Variants in IQCM observed in about 807,000 individuals in gnomAD.
IQCM encodes the protein IQ domain-containing protein M.
IQCM carries 45 observed loss-of-function variants against 57.6 expected under a neutral mutation model. The observed-to-expected ratio is 0.78, with a 90% CI of 0.62 to 1.00. IQCM has a LOEUF of 1.00. Among genes scored for constraint, IQCM ranks in the 50% least tolerant of loss-of-function variants. The probability of loss-of-function intolerance (pLI) is 0.00; values close to 1 mark genes in which losing one functional copy is unlikely to be tolerated. For missense variants in IQCM, 468 were observed against 511.6 expected (o/e 0.91, Z 0.82); for synonymous variants, 148 against 158.9 (o/e 0.93, Z 0.51).
chr4:149,620,064 C>T (rs997543033), intron 8 of IQCM, among the ~76,000 whole-genome samples: 4 of 151,828 alleles, frequency 2.6e-5, no homozygotes, highest in African/African-American at 9.7e-5. Context: ...GGCTGAGGCA[C>T]AAGAATCACT....
intron 13 of IQCM, among the ~76,000 whole-genome samples, chr4:149,370,619 T>C (rs111747650): frequency 0.018 from 2,811 of 152,030 alleles, 106 homozygotes; most frequent in African/African-American, 0.065. Flanking sequence ...CTGGGTTTTG[T>C]AAAAAGAGTG....
chr4:149,795,356 C>T (rs1256262006), intron 2 of IQCM, among the ~76,000 whole-genome samples: 1 of 152,088 alleles, frequency 6.6e-6, no homozygotes, highest in Non-Finnish European at 1.5e-5. Context: ...GAAGACCAGA[C>T]CAAACTCAGC....
At chr4:149,459,077 G>A (rs1411311187) in intron 12 of IQCM, among the ~76,000 whole-genome samples, 9 of 152,190 alleles carry the variant, frequency 5.9e-5, no homozygotes, top group Admixed American at 4.6e-4. Context: ...TTCATAGAGT[G>A]ACTGTGACTG....
At chr4:149,551,895 TCTC>T (rs1156853673) in intron 11 of IQCM, among the ~76,000 whole-genome samples, 4 of 149,730 alleles carry the variant, frequency 2.7e-5, no homozygotes, top group Non-Finnish European at 5.9e-5. Flanking sequence ...CTCTCTCTCT[TCTC>T]GTTTTCTCAT....
In IQCM at chr4:149,377,163, A is replaced by G. The variant is rs144102988; in HGVS notation, c.1391-25097T>C. 4.6e-5 allele frequency among the ~76,000 whole-genome samples: 7 copies of G among 152,324 alleles called. No homozygotes were observed. The East Asian group carries it at 1.4e-3, about 29-fold the overall frequency. On this transcript the variant is annotated intron_variant, in intron 13 of 13. Coordinates refer to ENST00000636793, the MANE Select transcript of IQCM (RefSeq NM_001363507.2). ...CATCTAACGAAAAAGTATATTTTTAATATATTTTGAAACATTGGCCGATTT... is the reference window on the plus strand; with the variant it reads ...CATCTAACGAAAAAGTATATTTTTAGTATATTTTGAAACATTGGCCGATTT...
chr4:149,372,699 T>A (rs1730443971), intron 13 of IQCM, among the ~76,000 whole-genome samples: 1 of 152,162 alleles, frequency 6.6e-6, no homozygotes, highest in Non-Finnish European at 1.5e-5. Flanking sequence ...TGGCTTTATT[T>A]TTTTTTCTTA....
chr4:149,394,064 T>C (rs1161446219), intron 13 of IQCM, among the ~76,000 whole-genome samples: 1 of 152,044 alleles, frequency 6.6e-6, no homozygotes, highest in Non-Finnish European at 1.5e-5. Flanking sequence ...ATAGTCAGTA[T>C]TGCTCTTAGC....
chr4:149,430,079 C>A, intron 13 of IQCM: 1 of 1,063,660 alleles, frequency 9.4e-7, no homozygotes, highest in Non-Finnish European at 1.2e-6. Flanking sequence ...CTTATTAAAC[C>A]CAAAACTTTC....
chr4:149,599,792 G>T (rs1243522627), intron 8 of IQCM, among the ~76,000 whole-genome samples: 1 of 152,108 alleles, frequency 6.6e-6, no homozygotes, highest in East Asian at 1.9e-4. Flanking sequence ...CTGCTGCCAG[G>T]TGTTAATTAC....
chr4:149,693,801 T>C (rs550294338), intron 5 of IQCM, among the ~76,000 whole-genome samples: 94 of 152,316 alleles, frequency 6.2e-4, no homozygotes, highest in African/African-American at 1.9e-3. Flanking sequence ...ATGCTCCATA[T>C]TTGTCTGAAA....
chr4:149,356,721 A>G (rs1362735594), intron 13 of IQCM, among the ~76,000 whole-genome samples: 2 of 152,012 alleles, frequency 1.3e-5, no homozygotes, highest in African/African-American at 2.4e-5. Context: ...TTGACTTGGT[A>G]ATGCGGGCTC....
chr4:149,739,190 T>C (rs1767218839), intron 3 of IQCM, among the ~76,000 whole-genome samples: 2 of 152,226 alleles, frequency 1.3e-5, no homozygotes, highest in South Asian at 2.1e-4. Context: ...TATAGAATGA[T>C]TTTTAAGAGC....
At chr4:149,675,076 G>C (rs1761635373) in intron 7 of IQCM, among the ~76,000 whole-genome samples, 1 of 151,994 alleles carries the variant, frequency 6.6e-6, no homozygotes, top group Non-Finnish European at 1.5e-5. Flanking sequence ...TATTATGATG[G>C]AGGGCAAAAT....
chr4:149,727,089 T>C (rs976941567), intron 5 of IQCM, among the ~76,000 whole-genome samples: 3 of 152,174 alleles, frequency 2.0e-5, no homozygotes, highest in African/African-American at 7.2e-5. Flanking sequence ...TGTTTCTTTT[T>C]ACTGTTTAAA....
intron 2 of IQCM, among the ~76,000 whole-genome samples, chr4:149,812,307 A>G (rs551708817): frequency 2.0e-5 from 3 of 152,256 alleles, no homozygotes; most frequent in African/African-American, 4.8e-5. Flanking sequence ...GATTAGTTAC[A>G]TGTTTTTTAA....
chr4:149,705,867 G>A (rs1045857989), intron 5 of IQCM, among the ~76,000 whole-genome samples: 3 of 151,586 alleles, frequency 2.0e-5, no homozygotes, highest in African/African-American at 4.8e-5. Flanking sequence ...GTAGCATTTA[G>A]TTATTCTCCT....
chr4:149,397,558 T>C (rs1240844274), intron 13 of IQCM, among the ~76,000 whole-genome samples: 1 of 152,000 alleles, frequency 6.6e-6, no homozygotes, highest in Non-Finnish European at 1.5e-5. Flanking sequence ...GCTTCCCCTT[T>C]GCCTTCTGCC....
At chr4:149,394,280 CTCT>C (rs1273448712) in intron 13 of IQCM, among the ~76,000 whole-genome samples, 1 of 151,710 alleles carries the variant, frequency 6.6e-6, no homozygotes. Flanking sequence ...TGATAATCTT[CTCT>C]TCATTTTTTG....
chr4:149,616,371 C>G (rs1755790430), intron 8 of IQCM, among the ~76,000 whole-genome samples: 2 of 152,098 alleles, frequency 1.3e-5, no homozygotes, highest in Admixed American at 6.6e-5. Flanking sequence ...GTTTATGAGA[C>G]ACCTAGAGTA....
Sources: allele counts gnomAD v4.1 joint callset (sites outside exome capture counted in the v4.1 genomes callset), GRCh38; gene constraint gnomAD v4.1.1; transcripts MANE v1.5; gene names NCBI Gene and HGNC (gene_info 2026-07-23, HGNC 2026-07-21).